The following BLACAT1 variants were observed in gnomAD, a reference collection of about 807,000 sequenced individuals.
BLACAT1 encodes the protein bladder cancer associated transcript 1.
At chr1:205,439,338 TA>T (rs1666256613), downstream of BLACAT1, among the ~76,000 whole-genome samples, 1 of 152,010 alleles carries the variant, frequency 6.6e-6, no homozygotes, top group Non-Finnish European at 1.5e-5. Flanking sequence ...GGCTAGGAGG[TA>T]GGGGCAAAGG....
intron 1 of BLACAT1, among the ~76,000 whole-genome samples, chr1:205,443,060 G>A (rs1453141189): frequency 6.6e-6 from 1 of 152,214 alleles, no homozygotes; most frequent in Non-Finnish European, 1.5e-5. Context: ...AGGGAGGGCA[G>A]GTGGATTCCC....
At chr1:205,440,913 C>T (rs1055813484) in exon 2 of BLACAT1, 1 of 152,312 alleles carries the variant, frequency 6.6e-6, no homozygotes, top group Non-Finnish European at 1.5e-5. Context: ...GATGGAGGGG[C>T]CCTGGTTCTG....
rs1666480075 is a variant in BLACAT1 at position 205,450,421 on chromosome 1, C to T, written c.-37+5496G>A. Among the ~76,000 whole-genome samples, 1 of 150,804 alleles carries T rather than the reference C, an allele frequency of 6.6e-6. No homozygotes were observed. Among genetic ancestry groups the T allele is most frequent in the Non-Finnish European group, 1.5e-5 (1 of 67,714 alleles). On this transcript the variant is annotated intron_variant, in intron 1 of 1. Transcript: ENST00000629624. The surrounding 1 kb of genome is among the most constrained non-coding windows in gnomAD (Gnocchi z 4.4). ...ATTTTTGGCAGGAGACCTGAGACGG[C>T]TCCCTGCAGGCCCCCCTCTCCTGCC... is the stretch of plus-strand genomic sequence containing the variant.
chr1:205,455,146 C>G (rs1380200940), intron 1 of BLACAT1, among the ~76,000 whole-genome samples: 2 of 152,128 alleles, frequency 1.3e-5, no homozygotes, highest in Non-Finnish European at 2.9e-5. Flanking sequence ...GGCCCCTACC[C>G]GGCCAGAGCT....
Position 205,450,281 on chromosome 1 carries a change from C to T in BLACAT1, c.-37+5636G>A, listed in dbSNP as rs915867372. On this transcript the variant is annotated intron_variant, in intron 1 of 1. Transcript: ENST00000629624. The surrounding 1 kb of genome is among the most constrained non-coding windows in gnomAD (Gnocchi z 4.4). ...CCCTCTGAACCAGCCATGTATTACT[C>T]ACGTCCCCCTGCCGGGCTATTGGTG... Among the ~76,000 whole-genome samples, 1 of 152,026 alleles carries T rather than the reference C, an allele frequency of 6.6e-6. No individual in the cohort carries two copies. Among genetic ancestry groups the T allele is most frequent in the Non-Finnish European group, 1.5e-5 (1 of 67,990 alleles).
intron 1 of BLACAT1, among the ~76,000 whole-genome samples, chr1:205,442,477 T>G (rs1666311360): frequency 6.6e-6 from 1 of 152,182 alleles, no homozygotes; most frequent in Non-Finnish European, 1.5e-5. Context: ...ACTTCCTTCG[T>G]GTTTCTCCAG....
downstream of BLACAT1, among the ~76,000 whole-genome samples, chr1:205,438,980 G>C (rs1161438283): frequency 6.6e-6 from 1 of 152,242 alleles, no homozygotes; most frequent in Non-Finnish European, 1.5e-5. Flanking sequence ...TGGTGAGCCT[G>C]TGTGGTCAGG....
rs890029672 is a variant in BLACAT1 at position 205,448,389 on chromosome 1, C to T, written c.-36-7327G>A. 3 of 534,416 alleles carry T rather than the reference C, an allele frequency of 5.6e-6. No homozygotes were observed. The African/African-American group carries it at 5.8e-5, about 10-fold the overall frequency. 33.1% of individuals were successfully genotyped at this position (534,416 alleles called of 1,614,324 possible). The stretch of plus-strand genomic sequence containing the variant: ...CATAGGAATGAAAAGCCATAGGCCA[C>T]AGCAGAGTGGAGGGGTCCAGCGGCA... On this transcript the variant is annotated intron_variant, in intron 1 of 1. Coordinates refer to ENST00000629624, the Ensembl canonical transcript of BLACAT1. The surrounding 1 kb of genome is among the most constrained non-coding windows in gnomAD (Gnocchi z 4.7).
chr1:205,445,378 C>T (rs1260236793), intron 1 of BLACAT1, among the ~76,000 whole-genome samples: 1 of 152,216 alleles, frequency 6.6e-6, no homozygotes, highest in Non-Finnish European at 1.5e-5. Flanking sequence ...CAAAACTGGG[C>T]ACAGACCTCC....
chr1:205,438,356 C>A (rs1666239756), downstream of BLACAT1, among the ~76,000 whole-genome samples: 1 of 152,206 alleles, frequency 6.6e-6, no homozygotes. Flanking sequence ...TGGGAGAGAA[C>A]CATGGAGAGA....
At chr1:205,436,581 CTG>C (rs1480952585), downstream of BLACAT1, 1 of 152,166 alleles carries the variant, frequency 6.6e-6, no homozygotes, top group Non-Finnish European at 1.5e-5. Context: ...ACTTGGGGGG[CTG>C]TGTTTGTGTT....
intron 1 of BLACAT1, among the ~76,000 whole-genome samples, chr1:205,443,422 T>C (rs1416595396): frequency 2.0e-5 from 3 of 152,136 alleles, no homozygotes; most frequent in African/African-American, 7.2e-5. Context: ...AATCCTGGCT[T>C]TTTTTGCTCA....
At chr1:205,440,775 T>A (rs1352253703) in exon 2 of BLACAT1, 2 of 152,518 alleles carry the variant, frequency 1.3e-5, no homozygotes, top group Admixed American at 1.3e-4. Flanking sequence ...AGGAGGCTGA[T>A]GCCCTCGGGT....
chr1:205,449,468 C>T (rs2102477574), intron 1 of BLACAT1, among the ~76,000 whole-genome samples: 1 of 152,204 alleles, frequency 6.6e-6, no homozygotes, highest in African/African-American at 2.4e-5. Flanking sequence ...CCTCTCCCAC[C>T]CCAACTGTAC....
downstream of BLACAT1, among the ~76,000 whole-genome samples, chr1:205,439,681 A>AG (rs1239756349): frequency 2.0e-5 from 3 of 152,138 alleles, no homozygotes; most frequent in Admixed American, 6.5e-5. Context: ...GGGGAGCTAG[A>AG]GGGGGTCTGA....
intron 1 of BLACAT1, among the ~76,000 whole-genome samples, chr1:205,453,406 C>G (rs1666521599): frequency 6.6e-6 from 1 of 152,194 alleles, no homozygotes; most frequent in Non-Finnish European, 1.5e-5. Context: ...CAGGTTCCCT[C>G]TCATTTAACA....
intron 1 of BLACAT1, among the ~76,000 whole-genome samples, chr1:205,454,806 G>A (rs1666543537): frequency 6.6e-6 from 1 of 151,934 alleles, no homozygotes. Flanking sequence ...TTCCTCCAAA[G>A]TTAGCCCTTC....
chr1:205,443,150 G>C (rs1393095527), intron 1 of BLACAT1, among the ~76,000 whole-genome samples: 1 of 152,152 alleles, frequency 6.6e-6, no homozygotes, highest in Admixed American at 6.5e-5. Flanking sequence ...GCAGTCCCAT[G>C]ATTATTGAAA....
intron 1 of BLACAT1, among the ~76,000 whole-genome samples, chr1:205,443,039 C>G (rs1023357221): frequency 2.0e-5 from 3 of 152,098 alleles, no homozygotes; most frequent in African/African-American, 7.2e-5. Context: ...TAACTTGATC[C>G]GGAAGGAGGG....
Sources: allele counts gnomAD v4.1 joint callset (sites outside exome capture counted in the v4.1 genomes callset), GRCh38; gene constraint gnomAD v4.1.1; non-coding constraint Gnocchi (gnomAD v3.1); transcripts MANE v1.5; gene names NCBI Gene and HGNC (gene_info 2026-07-23, HGNC 2026-07-21).